TLE1: variants seen among roughly 807,000 people sequenced by gnomAD.
The protein encoded by TLE1 is transducin-like enhancer protein 1.
Under a neutral mutation model 89.8 loss-of-function variants are expected in TLE1, and 21 were observed. The observed-to-expected ratio is 0.23, with a 90% CI of 0.17 to 0.34. TLE1 has a LOEUF of 0.34. Ranked by LOEUF, TLE1 falls within the 10% of genes least tolerant of loss-of-function variation. The pLI, the probability that TLE1 is intolerant of heterozygous loss-of-function variation, is 1.00. For synonymous variants in TLE1, 447 were observed against 407.6 expected (o/e 1.10, Z -1.16); for missense variants, 795 against 1,031.2 (o/e 0.77, Z 3.14).
At chr9:81,641,767 A>C (rs976937802) in intron 6 of TLE1, among the ~76,000 whole-genome samples, 9 of 152,238 alleles carry the variant, frequency 5.9e-5, no homozygotes, top group Admixed American at 5.9e-4. Context: ...TCACGCCTGT[A>C]ATCCCAGCAC....
chr9:81,611,410 G>A (rs138818364), intron 13 of TLE1, among the ~76,000 whole-genome samples: 6 of 152,152 alleles, frequency 3.9e-5, no homozygotes, highest in Non-Finnish European at 8.8e-5. Context: ...GAATGAAAAG[G>A]CTTCTGTGAA....
At position 81,647,931 on chromosome 9, in the gene TLE1, A is replaced by T. The variant is rs76955370; in HGVS notation, c.372+4283T>A. On this transcript the variant is annotated intron_variant, in intron 6 of 19. Coordinates refer to ENST00000376499, the MANE Select transcript of TLE1 (RefSeq NM_005077.5). Reference sequence around the variant, plus strand: ...GCCATTGTTTACTATTAATATTTTTAAAAATGCAATTAGCTGATTCTCTTT... The same window carrying T: ...GCCATTGTTTACTATTAATATTTTTTAAAATGCAATTAGCTGATTCTCTTT... Among the ~76,000 whole-genome samples the T allele has an allele frequency of 2.5e-3, 387 of 152,304 alleles. 3 individuals are homozygous for T. The highest frequency in any genetic ancestry group is 8.8e-3 in the African/African-American group (365 of 41,562).
intron 13 of TLE1, among the ~76,000 whole-genome samples, chr9:81,610,645 C>G (rs1427960039): frequency 6.6e-6 from 1 of 152,106 alleles, no homozygotes; most frequent in Non-Finnish European, 1.5e-5. Flanking sequence ...TGGGGCCAAA[C>G]AGTTCTTTTC....
chr9:81,660,607 G>A (rs55986163), intron 4 of TLE1, among the ~76,000 whole-genome samples: 34,920 of 149,754 alleles, frequency 0.23, 4,331 homozygotes, highest in Non-Finnish European at 0.28. Context: ...TAGTAGAGAC[G>A]GGGTTTCACT....
intron 2 of TLE1, among the ~76,000 whole-genome samples, 176 bp from the exon 3 acceptor site, chr9:81,686,072 A>G (rs1318082428): frequency 6.6e-6 from 1 of 152,250 alleles, no homozygotes; most frequent in African/African-American, 2.4e-5. Context: ...AATAATGTGA[A>G]CAATACAAGG....
intron 9 of TLE1, 150 bp from the exon 10 acceptor site, chr9:81,616,849 A>G: frequency 1.3e-6 from 1 of 784,518 alleles, no homozygotes; most frequent in Non-Finnish European, 2.1e-6. Flanking sequence ...TGCCAGTCCT[A>G]GTAATTATTA....
At chr9:81,605,382 C>A (rs938818939) in intron 14 of TLE1, among the ~76,000 whole-genome samples, 3 of 152,212 alleles carry the variant, frequency 2.0e-5, no homozygotes, top group African/African-American at 7.2e-5. Context: ...GATTTGGTAT[C>A]TTTTCCCTCC....
At chr9:81,631,122 G>C (rs1239761667) in intron 8 of TLE1, among the ~76,000 whole-genome samples, 1 of 152,156 alleles carries the variant, frequency 6.6e-6, no homozygotes, top group African/African-American at 2.4e-5. Flanking sequence ...ATTTGAACTA[G>C]AAAGTTCGTT....
chr9:81,671,051 C>T (rs1832160515), intron 4 of TLE1, among the ~76,000 whole-genome samples: 1 of 151,934 alleles, frequency 6.6e-6, no homozygotes, highest in South Asian at 2.1e-4. Context: ...ACCTGTAATC[C>T]CAGCTACTTG....
intron 14 of TLE1, among the ~76,000 whole-genome samples, chr9:81,596,034 G>C (rs1830164129): frequency 6.6e-6 from 1 of 151,972 alleles, no homozygotes; most frequent in Admixed American, 6.6e-5. Flanking sequence ...ATCAATCTCA[G>C]ATTTTTCAGA....
intron 6 of TLE1, among the ~76,000 whole-genome samples, chr9:81,648,161 A>G (rs1829094764): frequency 6.6e-6 from 1 of 151,130 alleles, no homozygotes; most frequent in African/African-American, 2.4e-5. Context: ...AATCCCAGCT[A>G]CTCGGGCGGC....
intron 4 of TLE1, among the ~76,000 whole-genome samples, chr9:81,654,336 T>C (rs533739218): frequency 9.2e-5 from 14 of 152,210 alleles, no homozygotes; most frequent in African/African-American, 3.4e-4. Flanking sequence ...TATATATATA[T>C]ACACATATAT....
intron 18 of TLE1, among the ~76,000 whole-genome samples, chr9:81,584,725 T>C (rs531280098): frequency 6.6e-6 from 1 of 152,286 alleles, no homozygotes; most frequent in Admixed American, 6.5e-5. Context: ...CTAAGAGGTA[T>C]CAGCCTCCTT....
intron 11 of TLE1, among the ~76,000 whole-genome samples, chr9:81,614,864 T>C (rs977153457): frequency 6.6e-5 from 10 of 150,722 alleles, no homozygotes; most frequent in African/African-American, 2.2e-4. Flanking sequence ...GTCTACCAGG[T>C]AAATGACCAG....
rs185165629 is a variant in TLE1 at position 81,657,240 on chromosome 9, C to T, written c.235-3204G>A. Among the ~76,000 whole-genome samples the T allele has an allele frequency of 2.6e-3, 389 of 152,258 alleles. 1 individual carries two copies. The highest frequency in any genetic ancestry group is 3.9e-3 in the Non-Finnish European group (262 of 68,040). On this transcript the variant is annotated intron_variant, in intron 4 of 19. Coordinates refer to ENST00000376499, the MANE Select transcript of TLE1 (RefSeq NM_005077.5). The stretch of plus-strand genomic sequence containing the variant: ...CCTTTATCAGAGTTTGCTCAGCTTG[C>T]CACTTGTCTTTCAACCTTGCTTAAT...
intron 4 of TLE1, among the ~76,000 whole-genome samples, chr9:81,682,098 A>G (rs773309550): frequency 6.6e-6 from 1 of 151,880 alleles, no homozygotes; most frequent in Non-Finnish European, 1.5e-5. Flanking sequence ...AAAAAAGAAA[A>G]AAAAAGTTAG....
intron 16 of TLE1, among the ~76,000 whole-genome samples, chr9:81,588,455 C>T (rs529245774): frequency 4.6e-5 from 7 of 152,268 alleles, no homozygotes; most frequent in Non-Finnish European, 1.5e-5. Context: ...CGCATGCCGG[C>T]CTCCTGACCT....
In TLE1 at chr9:81,652,377, A is replaced by G. The variant is rs1829664774; in HGVS notation, c.298-89T>C. 4.7e-6 allele frequency: 5 copies of G among 1,067,376 alleles called. No homozygotes were observed. In the Admixed American group the frequency reaches 9.4e-5, roughly 20 times the overall value. 66.1% of individuals were successfully genotyped at this position (1,067,376 alleles called of 1,614,324 possible). Reference sequence around the variant, plus strand: ...AACAAAAAGTCAAATGCTGTGTGCAATGCAGGCTGAAGTAGAAGGGTTTAA... The same window carrying G: ...AACAAAAAGTCAAATGCTGTGTGCAGTGCAGGCTGAAGTAGAAGGGTTTAA... On this transcript the variant is annotated intron_variant, in intron 5 of 19. Transcript: ENST00000376499.
At chr9:81,679,082 AGG>A (rs1833267695) in intron 4 of TLE1, among the ~76,000 whole-genome samples, 1 of 152,204 alleles carries the variant, frequency 6.6e-6, no homozygotes, top group African/African-American at 2.4e-5. Flanking sequence ...CAGGAGGCGG[AGG>A]CTGCAGTGAA....
Sources: gnomAD v4.1 joint callset for allele counts (sites outside exome capture counted in the v4.1 genomes callset) on GRCh38, gnomAD v4.1.1 for gene constraint, MANE v1.5 for transcripts, NCBI Gene and HGNC (gene_info 2026-07-23, HGNC 2026-07-21) for gene names.